The following SGCE variants were observed in gnomAD, a reference collection of about 807,000 sequenced individuals.
SGCE encodes the protein epsilon-sarcoglycan.
Under a neutral mutation model 57.8 loss-of-function variants are expected in SGCE, and 26 were observed. The ratio of observed to expected loss-of-function variants is 0.45; its 90% CI spans 0.33 to 0.62. The LOEUF is 0.62. Ranked by LOEUF, SGCE falls within the 20% of genes least tolerant of loss-of-function variation. The pLI is 0.02. For missense variants in SGCE, 468 were observed against 548.6 expected, an observed-to-expected ratio of 0.85 and a Z score of 1.47; for synonymous variants, 183 against 189.5, an observed-to-expected ratio of 0.97 and a Z score of 0.28.
intron 9 of SGCE, chr7:94,590,051 TCA>T (rs1797462663): frequency 6.6e-6 from 1 of 152,116 alleles, no homozygotes; most frequent in Admixed American, 6.6e-5. Context: ...AGATTAAATT[TCA>T]GATTTCTTAA....
intron 6 of SGCE, among the ~76,000 whole-genome samples, chr7:94,601,374 TA>T (rs1347413119): frequency 7.0e-6 from 1 of 142,158 alleles, no homozygotes; most frequent in Non-Finnish European, 1.5e-5. Flanking sequence ...CTGACAGAAG[TA>T]ACTTTTATGG....
At chr7:94,606,679 T>C (rs775757899) in intron 5 of SGCE, among the ~76,000 whole-genome samples, 4 of 152,196 alleles carry the variant, frequency 2.6e-5, no homozygotes, top group Non-Finnish European at 4.4e-5. Context: ...TACACATTCT[T>C]CTTAAGTACA....
At chr7:94,652,247 C>G (rs948353052) in intron 1 of SGCE, among the ~76,000 whole-genome samples, 2 of 151,980 alleles carry the variant, frequency 1.3e-5, no homozygotes, top group Non-Finnish European at 2.9e-5. Flanking sequence ...TTTTTTTACA[C>G]TGGAGGTAGG....
intron 5 of SGCE, among the ~76,000 whole-genome samples, chr7:94,609,289 G>A (rs568274640): frequency 5.9e-5 from 9 of 152,394 alleles, no homozygotes; most frequent in Non-Finnish European, 1.3e-4. Context: ...CACTTTTGGA[G>A]GCCAAGGTGG....
chr7:94,625,467 A>T (rs1038712946), intron 3 of SGCE: 2 of 152,050 alleles, frequency 1.3e-5, no homozygotes, highest in African/African-American at 4.8e-5. Context: ...AAACCATCCC[A>T]GTACATGTGT....
At chr7:94,635,950 G>T (rs1805543769) in intron 1 of SGCE, among the ~76,000 whole-genome samples, 2 of 152,014 alleles carry the variant, frequency 1.3e-5, no homozygotes, top group Non-Finnish European at 2.9e-5. Context: ...GTCACAGATA[G>T]TCCATGCCTT....
chr7:94,630,037 T>A (rs1562868510), intron 1 of SGCE, 196 bp from the exon 2 acceptor site: 1 of 576,566 alleles, frequency 1.7e-6, no homozygotes, highest in African/African-American at 1.9e-5. Context: ...GGGAAAAAAT[T>A]CTTTTGATTT....
At chr7:94,615,868 A>G (rs1036006166) in intron 5 of SGCE, among the ~76,000 whole-genome samples, 1 of 152,220 alleles carries the variant, frequency 6.6e-6, no homozygotes, top group African/African-American at 2.4e-5. Context: ...ATCCCAGGCT[A>G]AATACATCCA....
At chr7:94,610,374 G>A (rs1466008466) in intron 5 of SGCE, among the ~76,000 whole-genome samples, 3 of 152,168 alleles carry the variant, frequency 2.0e-5, no homozygotes, top group African/African-American at 7.2e-5. Flanking sequence ...ATAGTGAGTT[G>A]TCAGTGTAGG....
intron 2 of SGCE, chr7:94,628,745 A>G (rs1467816403): frequency 5.7e-6 from 1 of 176,574 alleles, no homozygotes; most frequent in Admixed American, 5.9e-5. Context: ...TCATATGAGT[A>G]TGAAAGATAT....
At chr7:94,638,581 A>G (rs1241746812) in intron 1 of SGCE, among the ~76,000 whole-genome samples, 2 of 151,830 alleles carry the variant, frequency 1.3e-5, no homozygotes, top group African/African-American at 2.4e-5. Flanking sequence ...AGAAACTACT[A>G]TTCTGCTGAG....
chr7:94,610,804 C>T (rs1256418165), intron 5 of SGCE, among the ~76,000 whole-genome samples: 1 of 151,912 alleles, frequency 6.6e-6, no homozygotes, highest in Non-Finnish European at 1.5e-5. Flanking sequence ...ACAACTTAAT[C>T]AAAAAATGAA....
At position 94,611,813 on chromosome 7, in the gene SGCE, A is replaced by G. The variant is rs527375115; in HGVS notation, c.662+6945T>C. On this transcript the variant is annotated intron_variant, in intron 5 of 10. Transcript: ENST00000648936. The stretch of plus-strand genomic sequence containing the variant: ...TCACACAAATTCATTTGCTCTACAC[A>G]TCAAATTTATATTAGGATTTAAGAC... 2.0e-3 allele frequency among the ~76,000 whole-genome samples: 299 copies of G among 152,328 alleles called. 2 individuals carry two copies. The highest frequency in any genetic ancestry group is 6.9e-3 in the African/African-American group (288 of 41,582).
At position 94,585,243 on chromosome 7, in the gene SGCE, T is replaced by A; in HGVS notation, c.*256A>T. 3 of 434,628 alleles carry A rather than the reference T, an allele frequency of 6.9e-6. No individual in the cohort carries two copies. The highest frequency in any genetic ancestry group is 6.9e-5 in the East Asian group (2 of 29,100). 26.9% of individuals were successfully genotyped at this position (434,628 alleles called of 1,614,324 possible). A position where few individuals can be genotyped will look rare whatever the true frequency, so the allele number is the denominator to read the frequency against. On this transcript the variant is annotated 3_prime_UTR_variant, in exon 11 of 11. Transcript: ENST00000648936. ...CAGTCATTAGGCTTCATTAATAATA[T>A]TTATTTTAAAGATCAACTTTTATTG...
At chr7:94,624,380 G>A (rs1803369119) in intron 3 of SGCE, 2 of 394,690 alleles carry the variant, frequency 5.1e-6, no homozygotes, top group Non-Finnish European at 8.9e-6. Context: ...AAAATACTGA[G>A]TTAGAACAGT....
At chr7:94,601,773 T>C (rs1402825137) in intron 6 of SGCE, among the ~76,000 whole-genome samples, 1 of 152,142 alleles carries the variant, frequency 6.6e-6, no homozygotes, top group Admixed American at 6.6e-5. Context: ...GAACTAAATA[T>C]GAATTTCATT....
intron 1 of SGCE, among the ~76,000 whole-genome samples, chr7:94,633,110 C>T (rs1307223126): frequency 2.0e-5 from 3 of 151,964 alleles, no homozygotes; most frequent in Non-Finnish European, 4.4e-5. Flanking sequence ...CAGGGTCTGG[C>T]CTCTCTGTGT....
chr7:94,632,875 T>C (rs1348607351), intron 1 of SGCE, among the ~76,000 whole-genome samples: 1 of 152,060 alleles, frequency 6.6e-6, no homozygotes, highest in East Asian at 1.9e-4. Flanking sequence ...ATAAAGCTGA[T>C]GGGGTCCACT....
At chr7:94,642,668 C>A (rs900238849) in intron 1 of SGCE, among the ~76,000 whole-genome samples, 1 of 152,140 alleles carries the variant, frequency 6.6e-6, no homozygotes, top group Admixed American at 6.5e-5. Context: ...CCCATTCCAA[C>A]CTCCAACTGA....
Sources: allele counts gnomAD v4.1 joint callset (sites outside exome capture counted in the v4.1 genomes callset), GRCh38; gene constraint gnomAD v4.1.1; transcripts MANE v1.5; gene names NCBI Gene and HGNC (gene_info 2026-07-23, HGNC 2026-07-21).